ZCCHC7: variants seen among roughly 807,000 people sequenced by gnomAD.
The protein encoded by ZCCHC7 is zinc finger CCHC domain-containing protein 7.
A neutral mutation model predicts 52.0 loss-of-function variants in ZCCHC7; 35 were observed. That is an observed-to-expected ratio of 0.67 (90% CI 0.51 to 0.89). ZCCHC7 has a LOEUF of 0.89. ZCCHC7 is among the 40% of genes least tolerant of loss of function. ZCCHC7 has a pLI of 0.00. For synonymous variants in ZCCHC7, 217 were observed against 221.5 expected (o/e 0.98, Z 0.18); for missense variants, 574 against 649.1 (o/e 0.88, Z 1.26).
intron 2 of ZCCHC7, among the ~76,000 whole-genome samples, chr9:37,136,147 G>A (rs1385095220): frequency 6.6e-6 from 1 of 152,162 alleles, no homozygotes; most frequent in Admixed American, 6.5e-5. Context: ...TGAATGAGGT[G>A]TAATGGTCAT....
intron 2 of ZCCHC7, among the ~76,000 whole-genome samples, chr9:37,280,025 G>A (rs556161719): frequency 1.8e-4 from 27 of 151,926 alleles, no homozygotes; most frequent in African/African-American, 6.3e-4. Context: ...CTGGCGTCAG[G>A]CACTACTTAG....
intron 2 of ZCCHC7, among the ~76,000 whole-genome samples, chr9:37,295,922 G>T (rs538006676): frequency 6.6e-6 from 1 of 152,126 alleles, no homozygotes; most frequent in African/African-American, 2.4e-5. Flanking sequence ...AACCACAAAG[G>T]GGGACAAGAG....
intron 2 of ZCCHC7, among the ~76,000 whole-genome samples, chr9:37,253,074 G>A (rs1026626250): frequency 2.0e-5 from 3 of 151,860 alleles, no homozygotes; most frequent in African/African-American, 7.3e-5. Flanking sequence ...AAGAACATTT[G>A]TCACAAAAAG....
At chr9:37,251,963 T>A (rs1826350219) in intron 2 of ZCCHC7, among the ~76,000 whole-genome samples, 1 of 152,194 alleles carries the variant, frequency 6.6e-6, no homozygotes, top group African/African-American at 2.4e-5. Context: ...TTTTCTTCCC[T>A]TTGTTCTTTC....
intron 2 of ZCCHC7, among the ~76,000 whole-genome samples, chr9:37,192,409 C>T (rs1823064181): frequency 6.6e-6 from 1 of 152,186 alleles, no homozygotes; most frequent in South Asian, 2.1e-4. Context: ...TATTCCCTGA[C>T]CTCTCCATAT....
rs146037394 is a variant in ZCCHC7, at chr9:37,258,140, C to G, written c.611-44048C>G. On this transcript the variant is annotated intron_variant, in intron 2 of 8. Transcript: ENST00000336755. ...CAATGGAGGATATCTCATCATACCCCCCTTGAGCAGTTTGCTTTTATCATG... is the reference window on the plus strand; with the variant it reads ...CAATGGAGGATATCTCATCATACCCGCCTTGAGCAGTTTGCTTTTATCATG... Among the ~76,000 whole-genome samples the G allele has an allele frequency of 2.0e-3, 298 of 152,218 alleles. 5 individuals carry two copies. Among genetic ancestry groups the G allele is most frequent in the East Asian group, 9.6e-4 (5 of 5,184 alleles).
At chr9:37,241,371 A>T (rs192819026) in intron 2 of ZCCHC7, among the ~76,000 whole-genome samples, 1 of 151,990 alleles carries the variant, frequency 6.6e-6, no homozygotes, top group East Asian at 1.9e-4. Flanking sequence ...AGTTCCAAGT[A>T]GTGGAATTTT....
At chr9:37,190,491 A>G (rs543297034) in intron 2 of ZCCHC7, among the ~76,000 whole-genome samples, 2 of 152,314 alleles carry the variant, frequency 1.3e-5, no homozygotes, top group East Asian at 3.9e-4. Context: ...TGATATTAAT[A>G]TGAATTCTTA....
rs1418903303 is a variant in ZCCHC7, at chr9:37,193,063, A to G, written c.610+66121A>G. On this transcript the variant is annotated intron_variant, in intron 2 of 8. Transcript: ENST00000336755. ...GGGCTATTTTAGGATTTTAACCTCA[A>G]ATAGAAATGAAAGTTTATTTGTATT... 4.6e-5 allele frequency among the ~76,000 whole-genome samples: 7 copies of G among 152,324 alleles called. No homozygotes were observed. In the South Asian group the frequency reaches 1.2e-3, roughly 27 times the overall value.
chr9:37,220,536 C>T (rs1031871248), intron 2 of ZCCHC7, among the ~76,000 whole-genome samples: 5 of 151,882 alleles, frequency 3.3e-5, no homozygotes, highest in African/African-American at 7.3e-5. Flanking sequence ...AATAAGACTC[C>T]GTCTCAAAAA....
chr9:37,153,479 T>C (rs1392139430), intron 2 of ZCCHC7, among the ~76,000 whole-genome samples: 3 of 151,830 alleles, frequency 2.0e-5, no homozygotes, highest in Non-Finnish European at 2.9e-5. Flanking sequence ...CCTGTTGTTA[T>C]TATTTGTGGT....
chr9:37,236,658 T>G (rs149587460), intron 2 of ZCCHC7, among the ~76,000 whole-genome samples: 34 of 152,290 alleles, frequency 2.2e-4, no homozygotes, highest in Admixed American at 7.8e-4. Context: ...CCTCCCAAAG[T>G]GCTGGGATTG....
At chr9:37,304,459 CT>C in intron 4 of ZCCHC7, 146 bp downstream of exon 4, 1 of 936,298 alleles carries the variant, frequency 1.1e-6, no homozygotes, top group Non-Finnish European at 1.5e-6. Flanking sequence ...TGAGACCATC[CT>C]AGCTAACATG....
chr9:37,186,736 T>C, intron 2 of ZCCHC7: 1 of 585,026 alleles, frequency 1.7e-6, no homozygotes, highest in South Asian at 2.1e-5. Context: ...CTTTATGAAC[T>C]AACAAGATGA....
intron 2 of ZCCHC7, among the ~76,000 whole-genome samples, chr9:37,143,962 T>C (rs527320695): frequency 6.6e-6 from 1 of 152,032 alleles, no homozygotes; most frequent in Admixed American, 6.6e-5. Flanking sequence ...AGAATTAAAA[T>C]ATCCTTGGTG....
At chr9:37,197,294 T>G (rs1343923637) in intron 2 of ZCCHC7, among the ~76,000 whole-genome samples, 1 of 152,214 alleles carries the variant, frequency 6.6e-6, no homozygotes, top group Non-Finnish European at 1.5e-5. Context: ...GAAGCAGCTC[T>G]TATCTCTCCA....
At chr9:37,131,394 C>T (rs984741864) in intron 2 of ZCCHC7, among the ~76,000 whole-genome samples, 1 of 151,460 alleles carries the variant, frequency 6.6e-6, no homozygotes, top group East Asian at 1.9e-4. Context: ...ACCTGTAATC[C>T]CAGCACTTTG....
At chr9:37,120,828 C>G in intron 1 of ZCCHC7, 1 of 266,056 alleles carries the variant, frequency 3.8e-6, no homozygotes, top group East Asian at 5.8e-5. Context: ...TCTAGGGGGT[C>G]CGCGTCTCCC....
At chr9:37,208,069 G>A (rs1483108870) in intron 2 of ZCCHC7, among the ~76,000 whole-genome samples, 1 of 152,036 alleles carries the variant, frequency 6.6e-6, no homozygotes. Context: ...GGTTTCTCCA[G>A]TGTATTTTTT....
Sources: gnomAD v4.1 joint callset for allele counts (sites outside exome capture counted in the v4.1 genomes callset) on GRCh38, gnomAD v4.1.1 for gene constraint, MANE v1.5 for transcripts, NCBI Gene and HGNC (gene_info 2026-07-23, HGNC 2026-07-21) for gene names.